The following PTPRQ variants were observed in gnomAD, a reference collection of about 807,000 sequenced individuals.
PTPRQ encodes protein tyrosine phosphatase receptor type Q, also known as phosphatidylinositol phosphatase PTPRQ.
A neutral mutation model predicts 246.0 loss-of-function variants in PTPRQ; 199 were observed. The ratio of observed to expected loss-of-function variants is 0.81; its 90% CI spans 0.72 to 0.91. PTPRQ has a LOEUF of 0.91. Among genes scored for constraint, PTPRQ ranks in the 40% least tolerant of loss-of-function variants. PTPRQ has a pLI of 0.00. For synonymous variants in PTPRQ, 869 were observed against 853.2 expected, an observed-to-expected ratio of 1.02 and a Z score of -0.32; for missense variants, 2,624 against 2,528.4, an observed-to-expected ratio of 1.04 and a Z score of -0.81.
chr12:80,489,141 C>T (rs993149534), intron 9 of PTPRQ, among the ~76,000 whole-genome samples: 3 of 151,856 alleles, frequency 2.0e-5, no homozygotes, highest in Admixed American at 1.3e-4. Context: ...GTACAGAAAC[C>T]CATAGATGAA....
At chr12:80,483,012 C>A (rs1421333805) in intron 8 of PTPRQ, among the ~76,000 whole-genome samples, 1 of 111,928 alleles carries the variant, frequency 8.9e-6, no homozygotes, top group African/African-American at 4.1e-5. Flanking sequence ...TTGACCCAGC[C>A]ATCCCATTAC....
At chr12:80,545,004 T>C (rs962262158) in intron 23 of PTPRQ, among the ~76,000 whole-genome samples, 8 of 152,152 alleles carry the variant, frequency 5.3e-5, no homozygotes, top group African/African-American at 1.9e-4. Flanking sequence ...TCATCACTCA[T>C]GTTTCTCTTT....
intron 8 of PTPRQ, among the ~76,000 whole-genome samples, chr12:80,480,327 A>G (rs1002936351): frequency 6.6e-6 from 1 of 152,216 alleles, no homozygotes; most frequent in South Asian, 2.1e-4. Context: ...GAAACCAACT[A>G]GAACAAAGAC....
At chr12:80,639,635 TGTTAAATACACA>T (rs1385749404) in intron 35 of PTPRQ, among the ~76,000 whole-genome samples, 1 of 152,218 alleles carries the variant, frequency 6.6e-6, no homozygotes, top group East Asian at 1.9e-4. Flanking sequence ...GTTGAATTTT[TGTTAAATACACA>T]GTTATGTCTT....
rs929927744 is a variant in PTPRQ at position 80,542,232 on chromosome 12, T to C, written c.3589T>C (p.Phe1197Leu). The change falls in exon 22 of 45, where the codon TTC becomes CTC. Residue 1197 changes from phenylalanine (F) to leucine (L), a missense_variant. Coordinates refer to ENST00000644991, the MANE Select transcript of PTPRQ (RefSeq NM_001145026.2). The part of the protein sequence containing the change: ...TLQGPNENYS[F>L]ITSDNYIILE... Reference sequence around the variant, plus strand: ...ACAAGGACCAAATGAAAATTATTCTTTCATTACTTCTGATAATTACATAAT... The same window carrying C: ...ACAAGGACCAAATGAAAATTATTCTCTCATTACTTCTGATAATTACATAAT... 1 of 1,550,840 alleles carries C rather than the reference T, an allele frequency of 6.4e-7. No homozygotes were observed. Among genetic ancestry groups the C allele is most frequent in the Non-Finnish European group, 8.7e-7 (1 of 1,146,526 alleles).
rs146529469 is a variant in PTPRQ, at chr12:80,540,074, A to G, written c.3154+130A>G. 7.9e-5 allele frequency: 59 copies of G among 747,332 alleles called. No homozygotes were observed. The East Asian group carries it at 1.9e-3, about 24-fold the overall frequency. 46.3% of individuals were successfully genotyped at this position (747,332 alleles called of 1,614,324 possible). ...ACACGTTCATTATAGGAGTTTGAAA[A>G]TGCAATTAATATACTTACAAAACTA... On this transcript the variant is annotated intron_variant, in intron 20 of 44. Transcript: ENST00000644991.
chr12:80,464,328 A>G (rs1157878859), intron 6 of PTPRQ, among the ~76,000 whole-genome samples: 1 of 92,612 alleles, frequency 1.1e-5, no homozygotes, highest in Non-Finnish European at 2.1e-5. Flanking sequence ...ACTATCCTAA[A>G]TATATATGCA....
chr12:80,524,333 C>T (rs182476677), intron 17 of PTPRQ, among the ~76,000 whole-genome samples: 27 of 152,134 alleles, frequency 1.8e-4, no homozygotes, highest in Non-Finnish European at 3.1e-4. Context: ...TTTCCCCTTT[C>T]GCTTGGCTTT....
chr12:80,472,392 C>G, intron 8 of PTPRQ, 141 bp downstream of exon 8: 1 of 1,220,902 alleles, frequency 8.2e-7, no homozygotes, highest in Non-Finnish European at 1.1e-6. Flanking sequence ...CTAATTCATT[C>G]TGAACATGTG....
chr12:80,575,450 G>T (rs1304399644), intron 25 of PTPRQ, among the ~76,000 whole-genome samples: 1 of 152,080 alleles, frequency 6.6e-6, no homozygotes, highest in South Asian at 2.1e-4. Context: ...TAGAGTGGTG[G>T]TGTGTGCCTG....
At chr12:80,574,374 A>G (rs1425294354) in intron 25 of PTPRQ, among the ~76,000 whole-genome samples, 1 of 152,176 alleles carries the variant, frequency 6.6e-6, no homozygotes, top group Non-Finnish European at 1.5e-5. Flanking sequence ...TCTGACTTTT[A>G]AATGGAGTAT....
intron 25 of PTPRQ, among the ~76,000 whole-genome samples, chr12:80,575,799 A>C (rs1327022746): frequency 6.7e-6 from 1 of 148,766 alleles, no homozygotes; most frequent in African/African-American, 2.5e-5. Context: ...AGATCATGCC[A>C]TTGCACTCCA....
Position 80,619,425 on chromosome 12 carries a change from G to T in PTPRQ, c.5272G>T (p.Ala1758Ser). Reference protein sequence around the residue: ...PKTKPTPIYDATGKLLVTSTT... With the variant: ...PKTKPTPIYDSTGKLLVTSTT... ...AACCAAACCAACCCCTATTTATGAT[G>T]CCACAGGAAAACTGCTTGTGACTTC... Residue 1758 changes from alanine (A) to serine (S), a missense_variant, in exon 31 of 45, where the codon GCC (alanine) becomes TCC (serine). Coordinates refer to ENST00000644991, the MANE Select transcript of PTPRQ (RefSeq NM_001145026.2). 6.5e-7 allele frequency: 1 copy of T among 1,547,860 alleles called. No individual in the cohort carries two copies. The highest frequency in any genetic ancestry group is 8.7e-7 in the Non-Finnish European group (1 of 1,144,650).
chr12:80,646,440 T>C (rs1366531091), intron 35 of PTPRQ, among the ~76,000 whole-genome samples: 1 of 152,160 alleles, frequency 6.6e-6, no homozygotes, highest in Non-Finnish European at 1.5e-5. Context: ...TTAAAATATC[T>C]TTAGGCGGAC....
At chr12:80,469,953 T>C (rs1394937554) in intron 7 of PTPRQ, among the ~76,000 whole-genome samples, 4 of 152,180 alleles carry the variant, frequency 2.6e-5, no homozygotes, top group Admixed American at 6.5e-5. Flanking sequence ...AAATACATGA[T>C]TGAATTAGTT....
intron 8 of PTPRQ, among the ~76,000 whole-genome samples, chr12:80,477,963 G>A (rs184886273): frequency 6.6e-5 from 10 of 152,364 alleles, no homozygotes; most frequent in Admixed American, 2.0e-4. Flanking sequence ...AGGGGCGCCC[G>A]CCATTGCCCA....
intron 17 of PTPRQ, chr12:80,512,756 G>A (rs548394750): frequency 4.6e-5 from 7 of 152,268 alleles, no homozygotes; most frequent in African/African-American, 1.7e-4. Context: ...TCAATTCAAA[G>A]TTTAACTCTT....
chr12:80,620,224 T>G lies in PTPRQ; in HGVS notation c.5460T>G (p.Asn1820Lys). Residue 1820 changes from asparagine (N) to lysine (K), a missense_variant, in exon 32 of 45, where the codon AAT (asparagine) becomes AAG (lysine). Physicochemically the swap from Asn to Lys is moderately conservative, Grantham distance 94 (BLOSUM62 0). Coordinates refer to ENST00000644991, the MANE Select transcript of PTPRQ (RefSeq NM_001145026.2). Reference sequence around the variant, plus strand: ...ATAAAGCAAGGCCATATTTTACAAATGAAGGCTTTCCTAACCCTCCATGTA... The same window carrying G: ...ATAAAGCAAGGCCATATTTTACAAAGGAAGGCTTTCCTAACCCTCCATGTA... Reference protein sequence around the residue: ...YFNKARPYFTNEGFPNPPCTE... With the variant: ...YFNKARPYFTKEGFPNPPCTE... 6.5e-7 allele frequency: 1 copy of G among 1,549,314 alleles called. No homozygotes were observed.
intron 25 of PTPRQ, among the ~76,000 whole-genome samples, chr12:80,578,616 A>G (rs1897341074): frequency 6.6e-6 from 1 of 151,956 alleles, no homozygotes; most frequent in Non-Finnish European, 1.5e-5. Context: ...GATGGTCTGG[A>G]TCTCGTGACC....
Sources: allele counts gnomAD v4.1 joint callset (sites outside exome capture counted in the v4.1 genomes callset), GRCh38; gene constraint gnomAD v4.1.1; transcripts MANE v1.5; gene names NCBI Gene and HGNC (gene_info 2026-07-23, HGNC 2026-07-21).